Variants in PCDHGA8 observed in about 807,000 individuals in gnomAD.
The protein encoded by PCDHGA8 is protocadherin gamma-A8.
In PCDHGA8, 45 loss-of-function variants were observed where a neutral mutation model predicts 59.2. That is an observed-to-expected ratio of 0.76 (90% CI 0.60 to 0.98). The LOEUF is 0.98. Among genes scored for constraint, PCDHGA8 ranks in the 50% least tolerant of loss-of-function variants. The pLI is 0.00. For synonymous variants in PCDHGA8, 531 were observed against 519.0 expected (o/e 1.02, Z -0.32); for missense variants, 1,257 against 1,196.2 (o/e 1.05, Z -0.75).
At chr5:141,396,015 T>C (rs1243437259) in intron 1 of PCDHGA8, 1 of 152,252 alleles carries the variant, frequency 6.6e-6, no homozygotes, top group South Asian at 2.1e-4. Context: ...AAAGTGACTT[T>C]TGTAAAATAT....
At chr5:141,461,607 A>C (rs74634930) in intron 1 of PCDHGA8, among the ~76,000 whole-genome samples, 8,353 of 152,212 alleles carry the variant, frequency 0.055, 473 homozygotes, top group African/African-American at 0.15. Flanking sequence ...AATTTAGTTC[A>C]AAGTATTTTC....
At chr5:141,473,236 A>G (rs1314160781) in intron 1 of PCDHGA8, among the ~76,000 whole-genome samples, 1 of 152,200 alleles carries the variant, frequency 6.6e-6, no homozygotes, top group Non-Finnish European at 1.5e-5. Flanking sequence ...GGATCCACAC[A>G]AGTGAATACA....
chr5:141,454,974 A>AT (rs2098808620), intron 1 of PCDHGA8, among the ~76,000 whole-genome samples: 1 of 151,182 alleles, frequency 6.6e-6, no homozygotes, highest in African/African-American at 2.4e-5. Context: ...CGCCTGGCTA[A>AT]TTTTTTAAAA....
intron 1 of PCDHGA8, among the ~76,000 whole-genome samples, chr5:141,402,640 T>G (rs1180615388): frequency 1.3e-5 from 2 of 152,232 alleles, no homozygotes; most frequent in East Asian, 3.8e-4. Flanking sequence ...TCTAAAATCA[T>G]AATTAGAAGA....
At chr5:141,441,087 TGACA>T (rs1168679217) in intron 1 of PCDHGA8, 1 of 152,174 alleles carries the variant, frequency 6.6e-6, no homozygotes, top group Non-Finnish European at 1.5e-5. Flanking sequence ...TGGTAGCAAG[TGACA>T]GAGAGGGACT....
chr5:141,472,364 AC>A (rs2099278314), intron 1 of PCDHGA8, among the ~76,000 whole-genome samples: 1 of 151,866 alleles, frequency 6.6e-6, no homozygotes, highest in Non-Finnish European at 1.5e-5. Flanking sequence ...ACACGGTGAA[AC>A]CCCGTCTCCA....
At chr5:141,460,849 G>A (rs908955373) in intron 1 of PCDHGA8, among the ~76,000 whole-genome samples, 1 of 150,224 alleles carries the variant, frequency 6.7e-6, no homozygotes, top group Non-Finnish European at 1.5e-5. Flanking sequence ...CCTCCAGTTC[G>A]ATCCAAGTTG....
At position 141,412,987 on chromosome 5, in the gene PCDHGA8, A is replaced by G. The variant is rs192699644; in HGVS notation, c.2424+17750A>G. The G allele has an allele frequency of 3.7e-3, 2,104 of 564,638 alleles. 8 individuals carry two copies. Among genetic ancestry groups the G allele is most frequent in the Admixed American group, 0.011 (308 of 27,526 alleles). 35.0% of individuals were successfully genotyped at this position (564,638 alleles called of 1,614,324 possible). ...AGGAGAGAAAACGCAGCCAGAGCTCAATCCGGATTCTCAGGGCTTCAACTA... is the reference window on the plus strand; with the variant it reads ...AGGAGAGAAAACGCAGCCAGAGCTCGATCCGGATTCTCAGGGCTTCAACTA... On this transcript the variant is annotated intron_variant, in intron 1 of 3. Transcript: ENST00000398604.
In PCDHGA8 at chr5:141,477,028, G is replaced by A. The variant is rs1015508317; in HGVS notation, c.2425-17779G>A. On this transcript the variant is annotated intron_variant, in intron 1 of 3. Coordinates refer to ENST00000398604, the MANE Select transcript of PCDHGA8 (RefSeq NM_032088.2). The surrounding 1 kb of genome is among the most constrained non-coding windows in gnomAD (Gnocchi z 4.9). ...CCTTAGACCTTGTAACCGGGATGCT[G>A]ACAATCAAGGGTCGGCTGGACTTCG... The A allele has an allele frequency of 2.5e-6, 4 of 1,614,146 alleles. No homozygotes were observed. The highest frequency in any genetic ancestry group is 1.7e-5 in the Admixed American group (1 of 60,018).
At chr5:141,508,371 C>T (rs1250979168) in intron 3 of PCDHGA8, 1 of 152,226 alleles carries the variant, frequency 6.6e-6, no homozygotes, top group East Asian at 1.9e-4. Flanking sequence ...CAACTTCTTC[C>T]CCTCAGATTT....
chr5:141,511,276 T>A lies in PCDHGA8; in HGVS notation c.*103T>A. ...AGAGTTTCAGGGCTAACCCCCAGAA[T>A]ACTGGTAGGGGCCAAGGCCATGCTC... On this transcript the variant is annotated 3_prime_UTR_variant, in exon 4 of 4. Coordinates refer to ENST00000398604, the MANE Select transcript of PCDHGA8 (RefSeq NM_032088.2). 6.5e-7 allele frequency: 1 copy of A among 1,538,086 alleles called. No homozygotes were observed. Among genetic ancestry groups the A allele is most frequent in the Non-Finnish European group, 8.8e-7 (1 of 1,140,722 alleles).
rs1419377760 is a variant in PCDHGA8 at position 141,418,687 on chromosome 5, GATCACTT to G, written c.2424+23453_2424+23459del. ...ACCAGGACGAGGGCATCAACTCAGA[GATCACTT>G]ATTCCTTCTTTGGTGTGGCTGACAA... On this transcript the variant is annotated intron_variant, in intron 1 of 3. Transcript: ENST00000398604. 6 of 1,613,928 alleles carry G rather than the reference GATCACTT, an allele frequency of 3.7e-6. No individual in the cohort carries two copies. In the African/African-American group the frequency reaches 8.0e-5, roughly 22 times the overall value.
Position 141,491,445 on chromosome 5 carries a change from C to G in PCDHGA8, c.2425-3362C>G. ...GAGGGCAGTGCTGCAGGCGCCAGGACTCACCCTCCCCGGACTTCTATAAGC... is the reference window on the plus strand; with the variant it reads ...GAGGGCAGTGCTGCAGGCGCCAGGAGTCACCCTCCCCGGACTTCTATAAGC... On this transcript the variant is annotated intron_variant, in intron 1 of 3. Coordinates refer to ENST00000398604, the MANE Select transcript of PCDHGA8 (RefSeq NM_032088.2). This position sits in a 1 kb window ranked among gnomAD's most constrained non-coding sequence, Gnocchi z 6.9. 6.2e-7 allele frequency: 1 copy of G among 1,614,112 alleles called. No individual in the cohort carries two copies. Among genetic ancestry groups the G allele is most frequent in the Non-Finnish European group, 8.5e-7 (1 of 1,180,032 alleles).
chr5:141,428,361 C>G, intron 1 of PCDHGA8: 2 of 556,764 alleles, frequency 3.6e-6, no homozygotes, highest in Non-Finnish European at 6.6e-6. Context: ...TTTTGGCGGT[C>G]GCCTTGCACC....
chr5:141,464,898 C>T (rs969877255), intron 1 of PCDHGA8, among the ~76,000 whole-genome samples: 4 of 151,958 alleles, frequency 2.6e-5, no homozygotes, highest in African/African-American at 4.8e-5. Flanking sequence ...GCCACCATGT[C>T]CAGCTAATTT....
Position 141,477,864 on chromosome 5 carries a change from G to A in PCDHGA8, c.2425-16943G>A, listed in dbSNP as rs775055164. On this transcript the variant is annotated intron_variant, in intron 1 of 3. Transcript: ENST00000398604. The surrounding 1 kb of genome is among the most constrained non-coding windows in gnomAD (Gnocchi z 4.9). Reference sequence around the variant, plus strand: ...AGCTCGGTGGAGATGCTGCCTCGAGGTACCTCAGCTGGCCACCTAGTGTCA... The same window carrying A: ...AGCTCGGTGGAGATGCTGCCTCGAGATACCTCAGCTGGCCACCTAGTGTCA... 1.2e-6 allele frequency: 2 copies of A among 1,613,122 alleles called. No homozygotes were observed. The highest frequency in any genetic ancestry group is 4.5e-5 in the East Asian group (2 of 44,822).
At chr5:141,414,520 A>G in intron 1 of PCDHGA8, 1 of 1,613,990 alleles carries the variant, frequency 6.2e-7, no homozygotes, top group Non-Finnish European at 8.5e-7. Flanking sequence ...AGTGGCAGAT[A>G]TCAATGACAA....
chr5:141,422,785 T>C, intron 1 of PCDHGA8: 1 of 1,614,146 alleles, frequency 6.2e-7, no homozygotes, highest in Non-Finnish European at 8.5e-7. Flanking sequence ...TGCCCTACAA[T>C]CCTTCGACTA....
intron 1 of PCDHGA8, among the ~76,000 whole-genome samples, chr5:141,447,652 C>T (rs901761789): frequency 6.6e-6 from 1 of 151,972 alleles, no homozygotes; most frequent in African/African-American, 2.4e-5. Context: ...TAGAATTTTC[C>T]CCCCCAGGAA....
Sources: allele counts gnomAD v4.1 joint callset (sites outside exome capture counted in the v4.1 genomes callset), GRCh38; gene constraint gnomAD v4.1.1; non-coding constraint Gnocchi (gnomAD v3.1); transcripts MANE v1.5; gene names NCBI Gene and HGNC (gene_info 2026-07-23, HGNC 2026-07-21).